TNFRSF11A: variants seen among roughly 807,000 people sequenced by gnomAD.
TNFRSF11A encodes tumor necrosis factor receptor superfamily member 11A.
TNFRSF11A carries 32 observed loss-of-function variants against 55.7 expected under a neutral mutation model. The observed-to-expected ratio is 0.57, with a 90% CI of 0.43 to 0.77. The LOEUF (loss-of-function observed/expected upper bound fraction) is 0.77, where lower values mean the gene tolerates loss of function less well. Ranked by LOEUF, TNFRSF11A falls within the 30% of genes least tolerant of loss-of-function variation. TNFRSF11A has a pLI of 0.00. For synonymous variants in TNFRSF11A, 311 were observed against 331.0 expected (o/e 0.94, Z 0.65); for missense variants, 753 against 809.8 (o/e 0.93, Z 0.85).
intron 8 of TNFRSF11A, among the ~76,000 whole-genome samples, chr18:62,368,060 C>G (rs1910231687): frequency 6.6e-6 from 1 of 152,114 alleles, no homozygotes; most frequent in South Asian, 2.1e-4. Context: ...TCCCAAAATC[C>G]TGGGATTGCA....
chr18:62,358,603 C>T (rs910144264), intron 5 of TNFRSF11A, among the ~76,000 whole-genome samples: 1 of 152,158 alleles, frequency 6.6e-6, no homozygotes, highest in African/African-American at 2.4e-5. Context: ...TTTTTCTAAC[C>T]TTGTTTGGTT....
At position 62,384,966 on chromosome 18, in the gene TNFRSF11A, C is replaced by T; in HGVS notation, c.1783C>T (p.Pro595Ser). ...GPRFPDPCGG[P>S]EGLREPEKAS... ...GCGCTTCCCGGACCCGTGCGGCGGC[C>T]CCGAGGGGCTGCGGGAGCCGGAGAA... The change falls in exon 10 of 10, where the codon CCC becomes TCC. Residue 595 changes from proline to serine, a missense_variant. Physicochemically the swap from Pro to Ser is moderately conservative, Grantham distance 74. Coordinates refer to ENST00000586569, the MANE Select transcript of TNFRSF11A (RefSeq NM_003839.4). 1 of 1,480,572 alleles carries T rather than the reference C, an allele frequency of 6.8e-7. No homozygotes were observed. Among genetic ancestry groups the T allele is most frequent in the Non-Finnish European group, 8.9e-7 (1 of 1,124,522 alleles). 91.7% of individuals were successfully genotyped at this position (1,480,572 alleles called of 1,614,324 possible).
rs568686456 is a variant in TNFRSF11A at position 62,348,351 on chromosome 18, C to T, written c.157+102C>T. ...ATGAAAAAAAGAAATTGGATAGACGCGTTATGGTAGTGGCAGGTGGTAATG... is the reference window on the plus strand; with the variant it reads ...ATGAAAAAAAGAAATTGGATAGACGTGTTATGGTAGTGGCAGGTGGTAATG... On this transcript the variant is annotated intron_variant, in intron 2 of 9. Coordinates refer to ENST00000586569, the MANE Select transcript of TNFRSF11A (RefSeq NM_003839.4). The T allele has an allele frequency of 2.1e-5, 22 of 1,033,528 alleles. 1 individual carries two copies. In the East Asian group the frequency reaches 3.0e-4, roughly 14 times the overall value. 64.0% of individuals were successfully genotyped at this position (1,033,528 alleles called of 1,614,324 possible).
At chr18:62,379,041 G>A (rs1911084516) in intron 9 of TNFRSF11A, among the ~76,000 whole-genome samples, 1 of 152,180 alleles carries the variant, frequency 6.6e-6, no homozygotes, top group Non-Finnish European at 1.5e-5. Context: ...AGGCTGTTTG[G>A]CAGTTTTCAT....
intron 1 of TNFRSF11A, among the ~76,000 whole-genome samples, chr18:62,326,333 G>A (rs1370367667): frequency 6.6e-6 from 1 of 152,246 alleles, no homozygotes; most frequent in Non-Finnish European, 1.5e-5. Context: ...GTGTTTGGGT[G>A]AGAAGAGAGG....
At position 62,325,417 on chromosome 18, in the gene TNFRSF11A, C is replaced by T; in HGVS notation, c.65C>T (p.Ala22Val). 1.6e-6 allele frequency: 2 copies of T among 1,260,358 alleles called. No individual in the cohort carries two copies. Among genetic ancestry groups the T allele is most frequent in the Non-Finnish European group, 2.0e-6 (2 of 990,418 alleles). The allele number at this position is 1,260,358 out of a possible 1,614,324, so 78.1% of individuals were successfully genotyped here. ...FALLLLCALL[A>V]RLQVALQIAP... ...CTGCTGCTGCTCTGCGCGCTGCTCG[C>T]CCGGCTGCAGGTAAGGAGCGCCCGC... The change falls in exon 1 of 10, where the codon GCC becomes GTC. Residue 22 changes from alanine (A) to valine (V), a missense_variant. Ala to Val is a moderately conservative substitution (Grantham distance 64). Coordinates refer to ENST00000586569, the MANE Select transcript of TNFRSF11A (RefSeq NM_003839.4). This position sits in a 1 kb window ranked among gnomAD's most constrained non-coding sequence, Gnocchi z 4.7.
intron 6 of TNFRSF11A, among the ~76,000 whole-genome samples, chr18:62,361,289 T>C (rs1348511435): frequency 6.6e-6 from 1 of 152,180 alleles, no homozygotes; most frequent in Non-Finnish European, 1.5e-5. Flanking sequence ...CCTGGTGCCC[T>C]GTTGCTATTA....
intron 9 of TNFRSF11A, 46 bp from the exon 10 acceptor site, chr18:62,384,705 G>C (rs766115720): frequency 1.9e-6 from 3 of 1,597,432 alleles, no homozygotes; most frequent in African/African-American, 2.7e-5. Context: ...CCCTGCCTCC[G>C]GGCGCTGACT....
intron 1 of TNFRSF11A, chr18:62,336,897 A>C (rs943502832): frequency 7.9e-5 from 12 of 152,224 alleles, no homozygotes; most frequent in Admixed American, 1.3e-4. Context: ...GAGATAATAA[A>C]TGCATTGTGA....
At position 62,354,163 on chromosome 18, in the gene TNFRSF11A, AACTCTT is replaced by A. The variant is rs1215232629; in HGVS notation, c.284-226_284-221del. Among the ~76,000 whole-genome samples the A allele has an allele frequency of 3.3e-5, 5 of 152,280 alleles. No homozygotes were observed. In the South Asian group the frequency reaches 6.2e-4, roughly 19 times the overall value. On this transcript the variant is annotated intron_variant, in intron 3 of 9. Coordinates refer to ENST00000586569, the MANE Select transcript of TNFRSF11A (RefSeq NM_003839.4). ...ATTGACTTTTAAAAAAAGCCCACAA[AACTCTT>A]AATTATGAGAGAGAGAAGAACCCCC...
intron 1 of TNFRSF11A, among the ~76,000 whole-genome samples, chr18:62,347,141 T>C (rs2046395126): frequency 6.6e-6 from 1 of 152,204 alleles, no homozygotes; most frequent in South Asian, 2.1e-4. Flanking sequence ...CTGGTATGTG[T>C]TTCATTCCAC....
At position 62,386,613 on chromosome 18, in the gene TNFRSF11A, A is replaced by T. The variant is rs1344858767; in HGVS notation, c.*1579A>T. The T allele has an allele frequency of 6.6e-6, 1 of 152,228 alleles. No individual in the cohort carries two copies. Among genetic ancestry groups the T allele is most frequent in the Non-Finnish European group, 1.5e-5 (1 of 68,042 alleles). 9.4% of individuals were successfully genotyped at this position (152,228 alleles called of 1,614,324 possible). A position where few individuals can be genotyped will look rare whatever the true frequency, so the allele number is the denominator to read the frequency against. Reference sequence around the variant, plus strand: ...AAGCAAGTTAAAATTAATTTTGCACATCTGGGAGGTTATAAAAGAAAGCAC... The same window carrying T: ...AAGCAAGTTAAAATTAATTTTGCACTTCTGGGAGGTTATAAAAGAAAGCAC... On this transcript the variant is annotated 3_prime_UTR_variant, in exon 10 of 10. Transcript: ENST00000586569.
intron 1 of TNFRSF11A, among the ~76,000 whole-genome samples, chr18:62,347,239 G>A (rs563078835): frequency 5.9e-5 from 9 of 152,324 alleles, no homozygotes; most frequent in South Asian, 2.1e-4. Flanking sequence ...GTGTGCATAC[G>A]TGGATGTCTG....
chr18:62,342,271 G>A (rs2046322779), intron 1 of TNFRSF11A, among the ~76,000 whole-genome samples: 1 of 151,354 alleles, frequency 6.6e-6, no homozygotes, highest in East Asian at 1.9e-4. Context: ...GCATGGTGGT[G>A]GGCACCTGTG....
chr18:62,352,308 A>G (rs1345849818), intron 3 of TNFRSF11A, among the ~76,000 whole-genome samples: 1 of 152,240 alleles, frequency 6.6e-6, no homozygotes, highest in Non-Finnish European at 1.5e-5. Context: ...AAGACTCACT[A>G]CTGGATTGAT....
chr18:62,375,902 G>A (rs1460031475), intron 9 of TNFRSF11A, among the ~76,000 whole-genome samples: 1 of 152,226 alleles, frequency 6.6e-6, no homozygotes, highest in Non-Finnish European at 1.5e-5. Context: ...GGGAGGCTGA[G>A]GTGGGATGAT....
In TNFRSF11A at chr18:62,325,314, G is replaced by T; in HGVS notation, c.-39G>T. ...CAGCCGCGCCCGCTGGGCCACAGAG[G>T]CCGCTGAGGCCGCGGCGCCCGCCAG... is the stretch of plus-strand genomic sequence containing the variant. On this transcript the variant is annotated 5_prime_UTR_variant, in exon 1 of 10. Transcript: ENST00000586569. This position sits in a 1 kb window ranked among gnomAD's most constrained non-coding sequence, Gnocchi z 4.7. 1.0e-6 allele frequency: 1 copy of T among 971,534 alleles called. No individual in the cohort carries two copies. Among genetic ancestry groups the T allele is most frequent in the Non-Finnish European group, 1.2e-6 (1 of 813,794 alleles). The allele number at this position is 971,534 out of a possible 1,614,324, so 60.2% of individuals were successfully genotyped here.
intron 1 of TNFRSF11A, among the ~76,000 whole-genome samples, chr18:62,336,955 G>T (rs2046243126): frequency 6.6e-6 from 1 of 152,172 alleles, no homozygotes; most frequent in Non-Finnish European, 1.5e-5. Context: ...CCATTGATGG[G>T]CGCCTGAGTC....
chr18:62,382,197 G>A (rs754493116), intron 9 of TNFRSF11A, among the ~76,000 whole-genome samples: 1 of 130,724 alleles, frequency 7.6e-6, no homozygotes, highest in East Asian at 2.7e-4. Flanking sequence ...TGCAACCTCC[G>A]CCTCCTGGGT....
Sources: allele counts gnomAD v4.1 joint callset (sites outside exome capture counted in the v4.1 genomes callset), GRCh38; gene constraint gnomAD v4.1.1; non-coding constraint Gnocchi (gnomAD v3.1); transcripts MANE v1.5; gene names NCBI Gene and HGNC (gene_info 2026-07-23, HGNC 2026-07-21).